Variants in PPP4R4 observed in about 807,000 individuals in gnomAD.
The protein encoded by PPP4R4 is serine/threonine-protein phosphatase 4 regulatory subunit 4.
In PPP4R4, 70 loss-of-function variants were observed where a neutral mutation model predicts 121.8. The observed-to-expected ratio is 0.57, with a 90% CI of 0.47 to 0.70. PPP4R4 has a LOEUF of 0.70. Among genes scored for constraint, PPP4R4 ranks in the 30% least tolerant of loss-of-function variants. PPP4R4 has a pLI of 0.00. For synonymous variants in PPP4R4, 348 were observed against 355.7 expected (o/e 0.98, Z 0.24); for missense variants, 875 against 1,033.6 (o/e 0.85, Z 2.10).
rs762608178 is a variant in PPP4R4 at position 94,174,437 on chromosome 14, GC to G, written c.-26del. The G allele has an allele frequency of 6.5e-7, 1 of 1,540,024 alleles. No individual in the cohort carries two copies. The highest frequency in any genetic ancestry group is 2.0e-5 in the Admixed American group (1 of 50,888). On this transcript the variant is annotated 5_prime_UTR_variant, in exon 1 of 25. Coordinates refer to ENST00000304338, the MANE Select transcript of PPP4R4 (RefSeq NM_058237.2). ...CGTCCGGCATCCCGGGGCCGCTCCGGCCCGGGCGGCGAGAGTGCCCGGCGGT... is the reference window on the plus strand; with the variant it reads ...CGTCCGGCATCCCGGGGCCGCTCCGGCCGGGCGGCGAGAGTGCCCGGCGGT...
chr14:94,269,559 T>C (rs922111658), intron 23 of PPP4R4, among the ~76,000 whole-genome samples: 1 of 150,548 alleles, frequency 6.6e-6, no homozygotes, highest in Admixed American at 6.6e-5. Context: ...CAGGCGCCTG[T>C]AGTTCCAGCT....
chr14:94,258,452 C>T (rs1595534697), intron 17 of PPP4R4, among the ~76,000 whole-genome samples: 1 of 152,264 alleles, frequency 6.6e-6, no homozygotes. Context: ...TCAAAAGCTA[C>T]ATTATGTTTC....
intron 2 of PPP4R4, among the ~76,000 whole-genome samples, chr14:94,192,874 C>T (rs566318978): frequency 3.9e-5 from 6 of 152,204 alleles, no homozygotes; most frequent in Admixed American, 3.3e-4. Context: ...AATCTATCTT[C>T]CTTATTAGAT....
chr14:94,276,860 A>G (rs1894670044), intron 24 of PPP4R4, among the ~76,000 whole-genome samples: 1 of 152,246 alleles, frequency 6.6e-6, no homozygotes, highest in African/African-American at 2.4e-5. Flanking sequence ...CCAATGTACT[A>G]TTACAAAAAT....
chr14:94,234,706 A>G (rs763536272), intron 7 of PPP4R4, 37 bp downstream of exon 7: 1 of 1,375,608 alleles, frequency 7.3e-7, no homozygotes, highest in Middle Eastern at 1.8e-4. Context: ...CATTTCCATG[A>G]AAACATGCCA....
chr14:94,231,833 T>C (rs967961657), intron 5 of PPP4R4, among the ~76,000 whole-genome samples: 15 of 152,182 alleles, frequency 9.9e-5, no homozygotes, highest in African/African-American at 3.6e-4. Flanking sequence ...ATTCTTAAGC[T>C]TTTGACTAAC....
intron 2 of PPP4R4, among the ~76,000 whole-genome samples, chr14:94,201,045 A>G (rs1332354120): frequency 6.6e-6 from 1 of 152,164 alleles, no homozygotes; most frequent in Non-Finnish European, 1.5e-5. Context: ...TTCAGTTGAA[A>G]GAATTTTTTA....
At chr14:94,212,492 G>T (rs985952026) in intron 3 of PPP4R4, among the ~76,000 whole-genome samples, 7 of 152,042 alleles carry the variant, frequency 4.6e-5, no homozygotes, top group Admixed American at 2.6e-4. Context: ...GTGCAGTTAG[G>T]CCACTCATCT....
At chr14:94,207,228 C>A (rs965355756) in intron 2 of PPP4R4, among the ~76,000 whole-genome samples, 2 of 151,952 alleles carry the variant, frequency 1.3e-5, no homozygotes, top group African/African-American at 4.8e-5. Context: ...TTTTTCTGTG[C>A]AACTTTGATT....
At chr14:94,247,146 C>CT (rs1892938998) in intron 14 of PPP4R4, among the ~76,000 whole-genome samples, 1 of 152,230 alleles carries the variant, frequency 6.6e-6, no homozygotes, top group African/African-American at 2.4e-5. Context: ...TAATTGTCTA[C>CT]TTTTTTCACA....
chr14:94,278,213 C>T (rs1894745390), intron 24 of PPP4R4, among the ~76,000 whole-genome samples: 1 of 152,076 alleles, frequency 6.6e-6, no homozygotes, highest in South Asian at 2.1e-4. Flanking sequence ...TGAGATGACA[C>T]ATTTGGTATT....
At position 94,275,222 on chromosome 14, in the gene PPP4R4, T is replaced by A; in HGVS notation, c.2450-152T>A. 4.9e-6 allele frequency: 4 copies of A among 821,062 alleles called. No homozygotes were observed. The South Asian group carries it at 6.8e-5, about 14-fold the overall frequency. The allele number at this position is 821,062 out of a possible 1,614,324, so 50.9% of individuals were successfully genotyped here. On this transcript the variant is annotated intron_variant, in intron 23 of 24. Transcript: ENST00000304338. ...ATGGGGGTGTACATATGTCAAAACC[T>A]TAACTTTTTGCAGTTTGTTGTATGT...
chr14:94,230,020 A>G (rs1340500402), intron 3 of PPP4R4, among the ~76,000 whole-genome samples: 2 of 152,224 alleles, frequency 1.3e-5, no homozygotes, highest in African/African-American at 4.8e-5. Context: ...TATGAATATA[A>G]TTAATTTTTA....
At chr14:94,198,398 A>T (rs1160471835) in intron 2 of PPP4R4, among the ~76,000 whole-genome samples, 1 of 152,210 alleles carries the variant, frequency 6.6e-6, no homozygotes, top group Admixed American at 6.5e-5. Context: ...CTTGTAGTTA[A>T]GAATTCTCTA....
At chr14:94,189,279 T>C (rs1377445928) in intron 2 of PPP4R4, among the ~76,000 whole-genome samples, 1 of 152,178 alleles carries the variant, frequency 6.6e-6, no homozygotes, top group African/African-American at 2.4e-5. Context: ...GTGAAGGAGA[T>C]GTATTTTATT....
intron 19 of PPP4R4, among the ~76,000 whole-genome samples, chr14:94,259,990 G>T (rs1250683787): frequency 6.6e-6 from 1 of 151,970 alleles, no homozygotes; most frequent in Admixed American, 6.6e-5. Flanking sequence ...TTCTAATTTG[G>T]GGATATTACA....
chr14:94,222,587 T>TC (rs398026239), intron 3 of PPP4R4, among the ~76,000 whole-genome samples: 3 of 151,740 alleles, frequency 2.0e-5, no homozygotes, highest in Non-Finnish European at 4.4e-5. Context: ...TTTTTTTTTT[T>TC]CTGCCTGAAG....
At chr14:94,269,257 T>TA (rs370608281) in intron 23 of PPP4R4, among the ~76,000 whole-genome samples, 14 of 152,208 alleles carry the variant, frequency 9.2e-5, no homozygotes, top group Admixed American at 2.6e-4. Context: ...CAGAGATGTG[T>TA]ATAGAATAAC....
chr14:94,245,025 C>G (rs1221249628), intron 12 of PPP4R4, among the ~76,000 whole-genome samples: 1 of 151,784 alleles, frequency 6.6e-6, no homozygotes, highest in Non-Finnish European at 1.5e-5. Flanking sequence ...TTTTCTTTTT[C>G]TTTTTTATAT....
Sources: allele counts gnomAD v4.1 joint callset (sites outside exome capture counted in the v4.1 genomes callset), GRCh38; gene constraint gnomAD v4.1.1; transcripts MANE v1.5; gene names NCBI Gene and HGNC (gene_info 2026-07-23, HGNC 2026-07-21).